Variants in RGS7 observed in about 807,000 individuals in gnomAD.
RGS7 encodes regulator of G protein signaling 7, also known as regulator of G-protein signaling 7.
In RGS7, 27 loss-of-function variants were observed where a neutral mutation model predicts 81.1. The observed-to-expected ratio is 0.33, with a 90% confidence interval of 0.25 to 0.46. The LOEUF (loss-of-function observed/expected upper bound fraction) is 0.46, where lower values mean the gene tolerates loss of function less well. RGS7 is among the 20% of genes least tolerant of loss of function. The pLI is 1.00. For missense variants in RGS7, 396 were observed against 607.4 expected, an observed-to-expected ratio of 0.65 and a Z score of 3.66; for synonymous variants, 208 against 207.7, an observed-to-expected ratio of 1.00 and a Z score of -0.01.
intron 2 of RGS7, among the ~76,000 whole-genome samples, chr1:241,215,561 T>G (rs1036271583): frequency 6.6e-6 from 1 of 152,200 alleles, no homozygotes; most frequent in Non-Finnish European, 1.5e-5. Context: ...TTTTCTAGTA[T>G]TTCCTCCCCC....
At chr1:241,008,754 A>C (rs2058804643) in intron 3 of RGS7, among the ~76,000 whole-genome samples, 1 of 151,934 alleles carries the variant, frequency 6.6e-6, no homozygotes, top group African/African-American at 2.4e-5. Flanking sequence ...TCTACTAAAA[A>C]TACAAAAATT....
chr1:241,158,343 A>G (rs1465228114), intron 2 of RGS7, among the ~76,000 whole-genome samples: 1 of 152,172 alleles, frequency 6.6e-6, no homozygotes, highest in Non-Finnish European at 1.5e-5. Context: ...TGAACATCCA[A>G]TGGGTGGATA....
chr1:241,270,791 T>C (rs4660054), intron 2 of RGS7, among the ~76,000 whole-genome samples: 80,253 of 149,342 alleles, frequency 0.54, 22,447 homozygotes, highest in East Asian at 0.7. Context: ...GGAGTCTCGC[T>C]CTGTCGCCCA....
intron 3 of RGS7, among the ~76,000 whole-genome samples, chr1:241,087,990 ATATATACACACACACACATATATAT>A (rs1410894512): frequency 1.1e-5 from 1 of 91,944 alleles, no homozygotes; most frequent in African/African-American, 4.5e-5. Context: ...ATATATATAT[ATATATACACACACACACATATATAT>A]ATACACACAC....
chr1:240,809,617 T>C (rs1244641054), intron 14 of RGS7, among the ~76,000 whole-genome samples: 2 of 152,196 alleles, frequency 1.3e-5, no homozygotes, highest in African/African-American at 4.8e-5. Context: ...GCCACGCTTT[T>C]CTCATCTATA....
intron 6 of RGS7, among the ~76,000 whole-genome samples, chr1:240,870,465 G>A (rs1024902213): frequency 2.0e-5 from 3 of 151,784 alleles, no homozygotes; most frequent in Non-Finnish European, 2.9e-5. Flanking sequence ...TCAGCCTCCC[G>A]AGTAGCTGGG....
intron 15 of RGS7, among the ~76,000 whole-genome samples, chr1:240,805,674 G>A (rs1480704970): frequency 2.0e-5 from 3 of 151,872 alleles, no homozygotes; most frequent in Non-Finnish European, 4.4e-5. Flanking sequence ...ACTGGTTTGA[G>A]TTTGACATAA....
rs567661421 is a variant in RGS7, at chr1:240,788,270, T to C, written c.*7-12057A>G. Among the ~76,000 whole-genome samples the C allele has an allele frequency of 8.1e-4, 123 of 152,346 alleles. 4 individuals carry two copies. The South Asian group carries it at 0.025, about 31-fold the overall frequency. ...TAAATGCAGTATGCCATATATTTAA[T>C]TATAAACAGCTATGGGAACAAATGG... On this transcript the variant is annotated intron_variant, in intron 18 of 18. Coordinates refer to ENST00000440928, the MANE Select transcript of RGS7 (RefSeq NM_001364886.1).
chr1:241,260,105 T>C (rs562255259), intron 2 of RGS7, among the ~76,000 whole-genome samples: 1 of 152,326 alleles, frequency 6.6e-6, no homozygotes, highest in South Asian at 2.1e-4. Flanking sequence ...CTGCTTCGTC[T>C]CAGAAAGTCT....
chr1:240,818,018 CCCTA>C (rs1691130976), intron 10 of RGS7, among the ~76,000 whole-genome samples: 4 of 152,134 alleles, frequency 2.6e-5, no homozygotes. Flanking sequence ...TCCTTTCTTG[CCCTA>C]CCACCAGAAC....
At chr1:240,811,693 T>C (rs946089400) in intron 14 of RGS7, among the ~76,000 whole-genome samples, 1 of 152,226 alleles carries the variant, frequency 6.6e-6, no homozygotes, top group African/African-American at 2.4e-5. Context: ...AGTTAAAACA[T>C]CTGGAGATAC....
chr1:241,232,572 A>G (rs2075726448), intron 2 of RGS7, among the ~76,000 whole-genome samples: 1 of 151,690 alleles, frequency 6.6e-6, no homozygotes, highest in African/African-American at 2.4e-5. Flanking sequence ...TTTTGAAATG[A>G]GTGGTGTAAA....
At chr1:241,011,637 C>T (rs556801381) in intron 3 of RGS7, among the ~76,000 whole-genome samples, 1 of 152,182 alleles carries the variant, frequency 6.6e-6, no homozygotes. Flanking sequence ...TTAGGTATTC[C>T]TAGCCTCTAG....
intron 3 of RGS7, among the ~76,000 whole-genome samples, chr1:241,072,597 G>A (rs966742884): frequency 9.2e-5 from 14 of 152,158 alleles, no homozygotes; most frequent in Admixed American, 9.2e-4. Flanking sequence ...TCCCTGTGAT[G>A]CGTGTTTTCC....
chr1:240,936,341 C>T lies in RGS7; in HGVS notation c.333+259G>A, dbSNP rs953001272. On this transcript the variant is annotated intron_variant, in intron 5 of 18. Coordinates refer to ENST00000440928, the MANE Select transcript of RGS7 (RefSeq NM_001364886.1). Reference sequence around the variant, plus strand: ...GCCATTAAGTCACTTTATGAATTTCCCTTAAGCTTTTCATATAAAATAGAA... The same window carrying T: ...GCCATTAAGTCACTTTATGAATTTCTCTTAAGCTTTTCATATAAAATAGAA... Among the ~76,000 whole-genome samples, 7 of 152,176 alleles carry T rather than the reference C, an allele frequency of 4.6e-5. 1 individual carries two copies. Among genetic ancestry groups the T allele is most frequent in the Admixed American group, 3.3e-4 (5 of 15,274 alleles).
At chr1:241,349,266 G>C (rs2083089399) in intron 2 of RGS7, among the ~76,000 whole-genome samples, 1 of 152,168 alleles carries the variant, frequency 6.6e-6, no homozygotes, top group Non-Finnish European at 1.5e-5. Context: ...CAATTCTAGT[G>C]CACATGCTTC....
intron 10 of RGS7, among the ~76,000 whole-genome samples, chr1:240,820,457 G>A (rs977584973): frequency 2.1e-5 from 3 of 143,272 alleles, no homozygotes; most frequent in East Asian, 2.0e-4. Context: ...AAATTATCCC[G>A]TTTTTTTTTT....
At chr1:241,217,814 G>A (rs1573183407) in intron 2 of RGS7, among the ~76,000 whole-genome samples, 3 of 152,194 alleles carry the variant, frequency 2.0e-5, no homozygotes, top group African/African-American at 7.2e-5. Context: ...ATTTAAACTT[G>A]GCACAAGAGG....
chr1:240,793,611 A>ATATATATATATATATATATTTTTTTTTT, intron 18 of RGS7, among the ~76,000 whole-genome samples: 2 of 78,810 alleles, frequency 2.5e-5, no homozygotes, highest in African/African-American at 1.9e-4. Flanking sequence ...ATATATATAT[A>ATATATATATATATATATATTTTTTTTTT]TTTTTTTTTT....
Sources: allele counts gnomAD v4.1 joint callset (sites outside exome capture counted in the v4.1 genomes callset), GRCh38; gene constraint gnomAD v4.1.1; transcripts MANE v1.5; gene names NCBI Gene and HGNC (gene_info 2026-07-23, HGNC 2026-07-21).